CARS1: variants seen among roughly 807,000 people sequenced by gnomAD.
The protein encoded by CARS1 is cysteinyl-tRNA synthetase 1, also known as cysteine--tRNA ligase, cytoplasmic.
A neutral mutation model predicts 106.2 loss-of-function variants in CARS1; 48 were observed. The ratio of observed to expected loss-of-function variants is 0.45; its 90% CI spans 0.36 to 0.57. CARS1 has a LOEUF of 0.57. Ranked by LOEUF, CARS1 falls within the 20% of genes least tolerant of loss-of-function variation. The pLI, the probability that CARS1 is intolerant of heterozygous loss-of-function variation, is 0.00. For missense variants in CARS1, 968 were observed against 1,057.2 expected (o/e 0.92, Z 1.17); for synonymous variants, 409 against 403.4 (o/e 1.01, Z -0.17).
At chr11:3,010,867 T>C (rs557714238) in intron 18 of CARS1, among the ~76,000 whole-genome samples, 122 of 152,336 alleles carry the variant, frequency 8.0e-4, no homozygotes, top group African/African-American at 2.8e-3. Flanking sequence ...TGCTCTGTCT[T>C]CAGCATGCCC....
chr11:3,056,788 C>T (rs1348026485), intron 1 of CARS1, among the ~76,000 whole-genome samples: 2 of 152,142 alleles, frequency 1.3e-5, no homozygotes, highest in African/African-American at 4.8e-5. Flanking sequence ...CAAGAGGGAG[C>T]GAGGGCCCGC....
At position 3,028,880 on chromosome 11, in the gene CARS1, C is replaced by T. The variant is rs1453608477; in HGVS notation, c.1031+116G>A. 12 of 750,252 alleles carry T rather than the reference C, an allele frequency of 1.6e-5. No individual in the cohort carries two copies. Among genetic ancestry groups the T allele is most frequent in the East Asian group, 7.3e-5 (3 of 40,858 alleles). 46.5% of individuals were successfully genotyped at this position (750,252 alleles called of 1,614,324 possible). A position where few individuals can be genotyped will look rare whatever the true frequency, so the allele number is the denominator to read the frequency against. On this transcript the variant is annotated intron_variant, in intron 9 of 22. Coordinates refer to ENST00000380525, the MANE Select transcript of CARS1 (RefSeq NM_001014437.3). This position sits in a 1 kb window ranked among gnomAD's most constrained non-coding sequence, Gnocchi z 4.4. ...GGAAGTCTGCTGGGACTTCTAGCTA[C>T]GCAGCCCCAGAACACCTGCTCCTCT...
Position 3,045,492 on chromosome 11 carries a change from C to T in CARS1, c.274+2261G>A, listed in dbSNP as rs895701245. 5.3e-5 allele frequency among the ~76,000 whole-genome samples: 8 copies of T among 152,222 alleles called. No individual in the cohort carries two copies. Among genetic ancestry groups the T allele is most frequent in the African/African-American group, 1.9e-4 (8 of 41,472 alleles). Reference sequence around the variant, plus strand: ...ACTTAGCGAGCATGGTCTCAATCTCCTGACCTCGTGATCCGCCCGCCTTGG... The same window carrying T: ...ACTTAGCGAGCATGGTCTCAATCTCTTGACCTCGTGATCCGCCCGCCTTGG... On this transcript the variant is annotated intron_variant, in intron 2 of 22. Coordinates refer to ENST00000380525, the MANE Select transcript of CARS1 (RefSeq NM_001014437.3). This position sits in a 1 kb window ranked among gnomAD's most constrained non-coding sequence, Gnocchi z 5.6.
Position 3,019,125 on chromosome 11 carries a change from CTG to C in CARS1, c.1395+12_1395+13del. On this transcript the variant is annotated intron_variant, in intron 12 of 22. Coordinates refer to ENST00000380525, the MANE Select transcript of CARS1 (RefSeq NM_001014437.3). The surrounding 1 kb of genome is among the most constrained non-coding windows in gnomAD (Gnocchi z 6.2). Reference sequence around the variant, plus strand: ...TGCTCTTGCACCTGACAAGGGGACTCTGTTTTCACCTACCTCCGACTGTGCCA... The same window carrying C: ...TGCTCTTGCACCTGACAAGGGGACTCTTTTCACCTACCTCCGACTGTGCCA... 6 of 1,509,660 alleles carry C rather than the reference CTG, an allele frequency of 4.0e-6. No homozygotes were observed. The highest frequency in any genetic ancestry group is 4.4e-6 in the Non-Finnish European group (5 of 1,133,958). 93.5% of individuals were successfully genotyped at this position (1,509,660 alleles called of 1,614,324 possible).
rs1855846410 is a variant in CARS1 at position 3,053,041 on chromosome 11, G to A, written c.25+4302C>T. On this transcript the variant is annotated intron_variant, in intron 1 of 22. Coordinates refer to ENST00000380525, the MANE Select transcript of CARS1 (RefSeq NM_001014437.3). The surrounding 1 kb of genome is among the most constrained non-coding windows in gnomAD (Gnocchi z 6.6). The stretch of plus-strand genomic sequence containing the variant: ...ATGGTGGTTGTCACCGGCTACAAAG[G>A]TGGAGTCTCTACAGAACATTTATTG... 6.6e-6 allele frequency among the ~76,000 whole-genome samples: 1 copy of A among 152,164 alleles called. No homozygotes were observed. The highest frequency in any genetic ancestry group is 1.5e-5 in the Non-Finnish European group (1 of 68,016).
intron 1 of CARS1, among the ~76,000 whole-genome samples, chr11:3,056,332 T>C (rs569066864): frequency 6.6e-6 from 1 of 152,350 alleles, no homozygotes; most frequent in East Asian, 1.9e-4. Flanking sequence ...ATACTGAGAA[T>C]GTTTCCTTTG....
At chr11:3,010,764 C>T (rs1237002415) in intron 18 of CARS1, among the ~76,000 whole-genome samples, 4 of 152,382 alleles carry the variant, frequency 2.6e-5, no homozygotes, top group African/African-American at 9.6e-5. Flanking sequence ...GGCCCAGATT[C>T]GGCTCCTCCG....
chr11:3,041,761 C>A lies in CARS1; in HGVS notation c.366+404G>T, dbSNP rs942596720. On this transcript the variant is annotated intron_variant, in intron 3 of 22. Transcript: ENST00000380525. This position sits in a 1 kb window ranked among gnomAD's most constrained non-coding sequence, Gnocchi z 4.9. ...TTCTCAAAACCTGCTGTGCTCCCAA[C>A]AACATCCAGCCAGTTTGCCGTTTTG... 2.0e-5 allele frequency among the ~76,000 whole-genome samples: 3 copies of A among 152,186 alleles called. No individual in the cohort carries two copies. Among genetic ancestry groups the A allele is most frequent in the African/African-American group, 7.2e-5 (3 of 41,436 alleles).
chr11:3,037,885 C>T lies in CARS1; in HGVS notation c.801+165G>A, dbSNP rs1454314237. On this transcript the variant is annotated intron_variant, in intron 7 of 22. Transcript: ENST00000380525. This position sits in a 1 kb window ranked among gnomAD's most constrained non-coding sequence, Gnocchi z 5.9. Reference sequence around the variant, plus strand: ...GGGTGTGGGAGGGGAGGGGCACTGACTCAGCCACCGCAGAACAGGGCCGCC... The same window carrying T: ...GGGTGTGGGAGGGGAGGGGCACTGATTCAGCCACCGCAGAACAGGGCCGCC... 2.6e-5 allele frequency among the ~76,000 whole-genome samples: 4 copies of T among 152,172 alleles called. No homozygotes were observed. The highest frequency in any genetic ancestry group is 5.9e-5 in the Non-Finnish European group (4 of 68,016).
intron 21 of CARS1, 155 bp downstream of exon 21, chr11:3,002,386 C>T (rs1849473281): frequency 2.8e-6 from 4 of 1,404,106 alleles, no homozygotes; most frequent in Non-Finnish European, 3.9e-6. Context: ...AAGGGCCTGG[C>T]AGGCCTTGGG....
rs1409468435 is a variant in CARS1, at chr11:3,044,703, T to G, written c.275-2447A>C. Among the ~76,000 whole-genome samples the G allele has an allele frequency of 1.3e-5, 2 of 152,148 alleles. No homozygotes were observed. Among genetic ancestry groups the G allele is most frequent in the Non-Finnish European group, 2.9e-5 (2 of 68,028 alleles). ...AGCCACCGCGCCTGGCCTGTGCTTT[T>G]GTTTCTTTGGAAAAAATGAACACAC... On this transcript the variant is annotated intron_variant, in intron 2 of 22. Coordinates refer to ENST00000380525, the MANE Select transcript of CARS1 (RefSeq NM_001014437.3). The surrounding 1 kb of genome is among the most constrained non-coding windows in gnomAD (Gnocchi z 4.4).
intron 7 of CARS1, among the ~76,000 whole-genome samples, chr11:3,036,708 C>G (rs576895288): frequency 6.6e-6 from 1 of 152,336 alleles, no homozygotes; most frequent in East Asian, 1.9e-4. Context: ...GGAACCCAAA[C>G]AGATATTTGT....
In CARS1 at chr11:3,052,483, CA is replaced by C. The variant is rs1855799274; in HGVS notation, c.26-4483del. Among the ~76,000 whole-genome samples, 1 of 152,188 alleles carries C rather than the reference CA, an allele frequency of 6.6e-6. No individual in the cohort carries two copies. The highest frequency in any genetic ancestry group is 2.4e-5 in the African/African-American group (1 of 41,444). On this transcript the variant is annotated intron_variant, in intron 1 of 22. Transcript: ENST00000380525. This position sits in a 1 kb window ranked among gnomAD's most constrained non-coding sequence, Gnocchi z 4.6. ...GGAGTTTTCCTAGGGCTCACACACC[CA>C]TTTTTATTTAATTAATTTTATTATT... is the stretch of plus-strand genomic sequence containing the variant.
intron 17 of CARS1, among the ~76,000 whole-genome samples, chr11:3,014,649 T>C (rs1391926623): frequency 6.6e-6 from 1 of 152,218 alleles, no homozygotes; most frequent in African/African-American, 2.4e-5. Flanking sequence ...AGAAGCTATG[T>C]GGGTTTTCTT....
In CARS1 at chr11:3,018,459, G is replaced by A. The variant is rs1851256750; in HGVS notation, c.1578C>T (p.Asp526=). The A allele has an allele frequency of 1.2e-6, 2 of 1,614,162 alleles. No individual in the cohort carries two copies. Among genetic ancestry groups the A allele is most frequent in the Admixed American group, 1.7e-5 (1 of 60,028 alleles). Residue 526 remains aspartate, a synonymous_variant, in exon 14 of 23, where the codon GAC becomes GAT. Transcript: ENST00000380525. The stretch of plus-strand genomic sequence containing the variant: ...CTGACTCCATGGTGTTGCTGGAGTA[G>A]TCCAGGGTGTCCTTCCACGAGTGCA... ...FLMHSWKDTL[D]YSSNTMESAL...
intron 22 of CARS1, 139 bp downstream of exon 22, chr11:3,001,831 C>T: frequency 1.3e-6 from 1 of 761,332 alleles, no homozygotes; most frequent in Non-Finnish European, 2.3e-6. Context: ...GGCCCTGGAC[C>T]TAAAGCGGGT....
At chr11:3,016,094 A>G (rs2134134777) in intron 16 of CARS1, among the ~76,000 whole-genome samples, 1 of 152,228 alleles carries the variant, frequency 6.6e-6, no homozygotes, top group African/African-American at 2.4e-5. Context: ...GAGCCCAACA[A>G]CAAGGAAAGA....
In CARS1 at chr11:3,042,254, T is replaced by G. The variant is rs367972113; in HGVS notation, c.277A>C (p.Lys93Gln). Residue 93 changes from lysine (K) to glutamine (Q), a missense_variant and splice_region_variant, in exon 3 of 23, where the codon AAA becomes CAA. Physicochemically the swap from Lys to Gln is moderately conservative, Grantham distance 53. Transcript: ENST00000380525. ...CACTGGGGCTGCACACGCCGGCCTT[T>G]GCCTGGGAGGCAGAGAGAGCAGGAT... ...KGQPCRLQAS[K>Q]GRRVQPQWSP... 6.2e-7 allele frequency: 1 copy of G among 1,611,154 alleles called. No homozygotes were observed. The highest frequency in any genetic ancestry group is 1.3e-5 in the African/African-American group (1 of 74,944).
At position 3,040,941 on chromosome 11, in the gene CARS1, C is replaced by G. The variant is rs1297171325; in HGVS notation, c.410G>C (p.Cys137Ser). The G allele has an allele frequency of 6.2e-7, 1 of 1,614,072 alleles. No individual in the cohort carries two copies. Among genetic ancestry groups the G allele is most frequent in the African/African-American group, 1.3e-5 (1 of 74,912 alleles). Residue 137 changes from cysteine (C) to serine (S), a missense_variant, in exon 4 of 23, where the codon TGC becomes TCC. Physicochemically the swap from Cys to Ser is moderately radical, Grantham distance 112 (BLOSUM62 -1). Transcript: ENST00000380525. This position sits in a 1 kb window ranked among gnomAD's most constrained non-coding sequence, Gnocchi z 5.8. ...PQDGKKVTWYCCGPTVYDASH... is the reference protein window; with the variant it reads ...PQDGKKVTWYSCGPTVYDASH... ...TGCGTCATAGACGGTTGGCCCACAG[C>G]AATACCACGTCACCTTTTTCCCATC...
Sources: allele counts gnomAD v4.1 joint callset (sites outside exome capture counted in the v4.1 genomes callset), GRCh38; gene constraint gnomAD v4.1.1; non-coding constraint Gnocchi (gnomAD v3.1); transcripts MANE v1.5; gene names NCBI Gene and HGNC (gene_info 2026-07-23, HGNC 2026-07-21).